Variants in KCNMA1 observed in about 807,000 individuals in gnomAD.
KCNMA1 encodes potassium calcium-activated channel subfamily M alpha 1.
A neutral mutation model predicts 140.0 loss-of-function variants in KCNMA1; 29 were observed. The observed-to-expected ratio is 0.21, with a 90% CI of 0.15 to 0.28. The LOEUF is 0.28. Ranked by LOEUF, KCNMA1 falls within the 10% of genes least tolerant of loss-of-function variation. KCNMA1 has a pLI of 1.00. For synonymous variants in KCNMA1, 612 were observed against 611.9 expected (o/e 1.00, Z 0.00); for missense variants, 880 against 1,602.2 (o/e 0.55, Z 7.70).
At chr10:77,343,090 G>A (rs746958604) in intron 2 of KCNMA1, among the ~76,000 whole-genome samples, 2 of 152,102 alleles carry the variant, frequency 1.3e-5, no homozygotes, top group African/African-American at 2.4e-5. Flanking sequence ...GCTTGGTGTG[G>A]CTGAACCTTC....
chr10:77,597,599 C>T (rs2081303632), intron 1 of KCNMA1, among the ~76,000 whole-genome samples: 1 of 152,188 alleles, frequency 6.6e-6, no homozygotes, highest in African/African-American at 2.4e-5. Flanking sequence ...ACTGAAAAGC[C>T]ATATACAAGG....
intron 5 of KCNMA1, among the ~76,000 whole-genome samples, chr10:77,176,928 A>G (rs545274499): frequency 3.9e-5 from 6 of 152,320 alleles, no homozygotes; most frequent in South Asian, 2.1e-4. Flanking sequence ...GGTGGGCCCA[A>G]TGTAATCACA....
At chr10:77,239,776 A>T (rs748951799) in intron 3 of KCNMA1, among the ~76,000 whole-genome samples, 11 of 152,230 alleles carry the variant, frequency 7.2e-5, no homozygotes, top group Non-Finnish European at 1.6e-4. Context: ...GTCTCAGGGG[A>T]AAAGTCTAAG....
At chr10:77,580,393 A>G (rs568819877) in intron 1 of KCNMA1, among the ~76,000 whole-genome samples, 27 of 152,240 alleles carry the variant, frequency 1.8e-4, no homozygotes, top group East Asian at 5.8e-4. Flanking sequence ...AAAAAAAAAA[A>G]AAAAGAAATG....
intron 1 of KCNMA1, among the ~76,000 whole-genome samples, chr10:77,453,977 T>C (rs2097711608): frequency 6.6e-6 from 1 of 152,066 alleles, no homozygotes; most frequent in African/African-American, 2.4e-5. Context: ...AAATTAGCCC[T>C]AGATTAAGAG....
intron 3 of KCNMA1, among the ~76,000 whole-genome samples, chr10:77,202,232 T>G (rs1236187743): frequency 6.6e-6 from 1 of 152,216 alleles, no homozygotes. Context: ...ACCACAGTGA[T>G]ACAAATCAAC....
intron 3 of KCNMA1, among the ~76,000 whole-genome samples, chr10:77,235,647 G>A (rs199591531): frequency 6.6e-6 from 1 of 152,130 alleles, no homozygotes; most frequent in Admixed American, 6.5e-5. Flanking sequence ...CCAAGGGAAG[G>A]AATAAATCGC....
At chr10:77,250,780 A>C (rs1400435740) in intron 3 of KCNMA1, 1 of 227,192 alleles carries the variant, frequency 4.4e-6, no homozygotes, top group Non-Finnish European at 8.8e-6. Context: ...AAAGCATTGG[A>C]AACCCAATTG....
chr10:77,070,836 T>C (rs1007448914), intron 14 of KCNMA1, among the ~76,000 whole-genome samples: 1 of 152,004 alleles, frequency 6.6e-6, no homozygotes, highest in Non-Finnish European at 1.5e-5. Flanking sequence ...GATAGCAATG[T>C]AGAATGGGGA....
At chr10:77,077,927 GAAC>G (rs1470649635) in intron 13 of KCNMA1, 1 of 152,230 alleles carries the variant, frequency 6.6e-6, no homozygotes, top group Non-Finnish European at 1.5e-5. Context: ...GTTGGCTGGA[GAAC>G]AACACGTTCT....
At chr10:77,554,403 G>A (rs1176860229) in intron 1 of KCNMA1, among the ~76,000 whole-genome samples, 1 of 151,970 alleles carries the variant, frequency 6.6e-6, no homozygotes. Flanking sequence ...TTTAAGACCA[G>A]CCTGGCCAAC....
At chr10:77,279,603 C>A (rs2067770504) in intron 2 of KCNMA1, among the ~76,000 whole-genome samples, 1 of 152,160 alleles carries the variant, frequency 6.6e-6, no homozygotes, top group Non-Finnish European at 1.5e-5. Flanking sequence ...AGAATAAAAT[C>A]CAGACCTTAT....
chr10:77,164,486 CTT>C (rs1388643198), intron 5 of KCNMA1, among the ~76,000 whole-genome samples: 3 of 151,948 alleles, frequency 2.0e-5, no homozygotes, highest in African/African-American at 4.8e-5. Flanking sequence ...AATTCACCCT[CTT>C]TGTCCCCCAC....
chr10:77,096,249 C>T (rs1031333418), intron 9 of KCNMA1, among the ~76,000 whole-genome samples: 4 of 152,070 alleles, frequency 2.6e-5, no homozygotes, highest in African/African-American at 4.8e-5. Flanking sequence ...GACTGGGGGG[C>T]GAGTTCTCAG....
At chr10:76,871,164 C>T (rs1164791530) in exon 28 of KCNMA1, 2 of 152,514 alleles carry the variant, frequency 1.3e-5, no homozygotes, top group Non-Finnish European at 2.9e-5. Context: ...TCCACATCTG[C>T]AGGGCCTGTT....
rs149622202 is a variant in KCNMA1, at chr10:77,341,823, C to G, written c.540+62039G>C. Among the ~76,000 whole-genome samples, 101 of 152,360 alleles carry G rather than the reference C, an allele frequency of 6.6e-4. 2 individuals carry two copies. Among genetic ancestry groups the G allele is most frequent in the Admixed American group, 6.5e-3 (99 of 15,310 alleles). On this transcript the variant is annotated intron_variant, in intron 2 of 27. Transcript: ENST00000286628. ...ACTGGCTCCATTCCTGCCTCCCTTT[C>G]TGGCCTACCCCAGGATTCCTTGGCA... is the stretch of plus-strand genomic sequence containing the variant.
chr10:77,095,974 G>A (rs2096922284), intron 9 of KCNMA1, among the ~76,000 whole-genome samples: 1 of 152,202 alleles, frequency 6.6e-6, no homozygotes, highest in Non-Finnish European at 1.5e-5. Context: ...GATACTGGTT[G>A]TTAGAGCCAG....
chr10:77,358,597 G>A (rs929362992), intron 2 of KCNMA1, among the ~76,000 whole-genome samples: 3 of 151,970 alleles, frequency 2.0e-5, no homozygotes, highest in African/African-American at 7.3e-5. Flanking sequence ...GCCTGTCCCA[G>A]ACCACTCTCT....
At chr10:77,244,506 A>G (rs1454625623) in intron 3 of KCNMA1, among the ~76,000 whole-genome samples, 1 of 152,158 alleles carries the variant, frequency 6.6e-6, no homozygotes, top group Non-Finnish European at 1.5e-5. Context: ...TTCCTCACCA[A>G]TGTGGAAGGG....
Sources: gnomAD v4.1 joint callset for allele counts (sites outside exome capture counted in the v4.1 genomes callset) on GRCh38, gnomAD v4.1.1 for gene constraint, MANE v1.5 for transcripts, NCBI Gene and HGNC (gene_info 2026-07-23, HGNC 2026-07-21) for gene names.